The following CELF1 variants were observed in gnomAD, a reference collection of about 807,000 sequenced individuals.
CELF1 encodes CUGBP Elav-like family member 1.
A neutral mutation model predicts 61.8 loss-of-function variants in CELF1; 10 were observed. That is an observed-to-expected ratio of 0.16 (90% CI 0.10 to 0.27). The LOEUF is 0.27. CELF1 is among the 10% of genes least tolerant of loss of function. The pLI is 1.00. For missense variants in CELF1, 380 were observed against 639.1 expected, an observed-to-expected ratio of 0.59 and a Z score of 4.37; for synonymous variants, 236 against 225.1, an observed-to-expected ratio of 1.05 and a Z score of -0.43.
chr11:47,557,346 G>A (rs1250689295), upstream of CELF1, among the ~76,000 whole-genome samples: 1 of 150,028 alleles, frequency 6.7e-6, no homozygotes, highest in Non-Finnish European at 1.5e-5. Flanking sequence ...AGCCTCCCGG[G>A]TAGCTGGGAC....
rs1294134177 is a variant in CELF1 at position 47,471,277 on chromosome 11, G to A, written c.*953C>T. The A allele has an allele frequency of 1.3e-5, 2 of 152,280 alleles. No individual in the cohort carries two copies. The highest frequency in any genetic ancestry group is 2.9e-5 in the Non-Finnish European group (2 of 68,096). 9.4% of individuals were successfully genotyped at this position (152,280 alleles called of 1,614,324 possible). On this transcript the variant is annotated 3_prime_UTR_variant, in exon 15 of 15. Transcript: ENST00000687097. ...AAGCCCTTCTTGGATTTGCCTTCAT[G>A]AGAAAATGGTGGCTTGGGATGGAGG...
At chr11:47,526,045 G>A (rs2096223952) in intron 1 of CELF1, among the ~76,000 whole-genome samples, 1 of 152,096 alleles carries the variant, frequency 6.6e-6, no homozygotes, top group Admixed American at 6.6e-5. Flanking sequence ...AAGGGCACCT[G>A]CGCACCAGGA....
rs182222225 is a variant in CELF1, at chr11:47,487,960, T to G, written c.260-719A>C. Among the ~76,000 whole-genome samples the G allele has an allele frequency of 2.0e-5, 3 of 152,332 alleles. No individual in the cohort carries two copies. In the East Asian group the frequency reaches 5.8e-4, roughly 29 times the overall value. ...ACAATATAGATTTTTTTTTAAATCA[T>G]GCTGCAGCAGTTAGAACTACAAATT... On this transcript the variant is annotated intron_variant, in intron 4 of 14. Coordinates refer to ENST00000687097, the MANE Select transcript of CELF1 (RefSeq NM_001376376.1).
At chr11:47,502,337 T>G (rs1040883562) in intron 1 of CELF1, among the ~76,000 whole-genome samples, 1 of 152,184 alleles carries the variant, frequency 6.6e-6, no homozygotes, top group Admixed American at 6.5e-5. Context: ...TATAATTAAA[T>G]TCAACATACT....
rs1319430075 is a variant in CELF1, at chr11:47,486,818, TTATTATCACTGTATA to T, written c.343-35_343-21del. Reference sequence around the variant, plus strand: ...ATGCATCTGAAAAGGAAAAATATGATTATTATCACTGTATATATTGATGGTATTCAAAAATACATA... The same window carrying T: ...ATGCATCTGAAAAGGAAAAATATGATTATTGATGGTATTCAAAAATACATA... On this transcript the variant is annotated intron_variant, in intron 5 of 14. Transcript: ENST00000687097. The T allele has an allele frequency of 3.2e-6, 5 of 1,563,842 alleles. No individual in the cohort carries two copies. Among genetic ancestry groups the T allele is most frequent in the Non-Finnish European group, 4.4e-6 (5 of 1,134,304 alleles).
chr11:47,553,242 C>A (rs1213642027), upstream of CELF1: 3 of 381,762 alleles, frequency 7.9e-6, no homozygotes, highest in East Asian at 3.7e-5. Context: ...AGCGCCGATG[C>A]GAGCGGAGCG....
intron 1 of CELF1, among the ~76,000 whole-genome samples, chr11:47,552,102 T>C (rs142436368): frequency 6.6e-4 from 101 of 152,178 alleles, no homozygotes; most frequent in Middle Eastern, 3.4e-3. Context: ...CATTTCATGC[T>C]CTTTAAAACT....
intron 7 of CELF1, among the ~76,000 whole-genome samples, chr11:47,483,754 A>G (rs1163137809): frequency 6.6e-6 from 1 of 152,246 alleles, no homozygotes; most frequent in East Asian, 1.9e-4. Context: ...AGGAGGACTC[A>G]TATCCTCTAG....
rs1222338486 is a variant in CELF1, at chr11:47,494,544, C to T, written c.71+4909G>A. The T allele has an allele frequency of 3.2e-6, 3 of 927,914 alleles. No homozygotes were observed. The South Asian group carries it at 1.5e-4, about 46-fold the overall frequency. 57.5% of individuals were successfully genotyped at this position (927,914 alleles called of 1,614,324 possible). A position where few individuals can be genotyped will look rare whatever the true frequency, so the allele number is the denominator to read the frequency against. ...TATGTATTTGTTCAAAATTCTTGAA[C>T]ACTCTCTTCTCTTTCTCCTTTCTTT... is the stretch of plus-strand genomic sequence containing the variant. On this transcript the variant is annotated intron_variant, in intron 3 of 14. Transcript: ENST00000687097.
At chr11:47,477,100 A>G (rs1298578626) in intron 11 of CELF1, 141 bp from the exon 12 acceptor site, 1 of 875,316 alleles carries the variant, frequency 1.1e-6, no homozygotes, top group Admixed American at 2.4e-5. Context: ...CAGGACAGAG[A>G]CAAATAATGG....
At position 47,477,445 on chromosome 11, in the gene CELF1, A is replaced by C. The variant is rs1269196722; in HGVS notation, c.845-20T>G. The C allele has an allele frequency of 6.8e-6, 11 of 1,611,756 alleles. No individual in the cohort carries two copies. The highest frequency in any genetic ancestry group is 2.7e-5 in the African/African-American group (2 of 74,806). ...TCAACCCTACAACATCCAAAGCAAG[A>C]GATTAGCCAGCAGATAAGGGTGCTT... is the stretch of plus-strand genomic sequence containing the variant. On this transcript the variant is annotated intron_variant, in intron 10 of 14. Coordinates refer to ENST00000687097, the MANE Select transcript of CELF1 (RefSeq NM_001376376.1).
At chr11:47,496,383 T>G (rs909464140) in intron 3 of CELF1, among the ~76,000 whole-genome samples, 1 of 152,204 alleles carries the variant, frequency 6.6e-6, no homozygotes, top group South Asian at 2.1e-4. Flanking sequence ...TTAATATCAT[T>G]CATTCAACTG....
chr11:47,542,333 A>G (rs983971662), intron 1 of CELF1, among the ~76,000 whole-genome samples: 1 of 151,994 alleles, frequency 6.6e-6, no homozygotes, highest in Non-Finnish European at 1.5e-5. Context: ...GCACCACTGC[A>G]CTCCACCCTG....
At chr11:47,537,931 TAAAG>T (rs2096671561) in intron 1 of CELF1, among the ~76,000 whole-genome samples, 2 of 151,382 alleles carry the variant, frequency 1.3e-5, no homozygotes. Context: ...TTTTTTTTTT[TAAAG>T]AAAGGTGTTT....
intron 4 of CELF1, among the ~76,000 whole-genome samples, chr11:47,487,991 AG>A (rs1394697495): frequency 6.6e-6 from 1 of 152,194 alleles, no homozygotes; most frequent in Non-Finnish European, 1.5e-5. Flanking sequence ...AAATTACTGA[AG>A]GTTATATTGC....
chr11:47,499,753 C>A (rs1264160490), intron 2 of CELF1, 149 bp from the exon 3 acceptor site: 6 of 529,152 alleles, frequency 1.1e-5, no homozygotes, highest in Admixed American at 3.5e-5. Flanking sequence ...AGGCTCAGCC[C>A]AGCACACAAT....
intron 13 of CELF1, among the ~76,000 whole-genome samples, chr11:47,475,056 A>G (rs965887599): frequency 4.6e-5 from 7 of 152,254 alleles, no homozygotes; most frequent in African/African-American, 1.7e-4. Flanking sequence ...ATTCTTGTCA[A>G]ATGTGTCAGA....
chr11:47,556,847 C>T (rs1426472283), upstream of CELF1, among the ~76,000 whole-genome samples: 1 of 152,222 alleles, frequency 6.6e-6, no homozygotes, highest in African/African-American at 2.4e-5. Flanking sequence ...CGACACTGCA[C>T]TCCAGCCTAG....
At chr11:47,538,708 A>G (rs1038170126) in intron 1 of CELF1, among the ~76,000 whole-genome samples, 4 of 151,912 alleles carry the variant, frequency 2.6e-5, no homozygotes, top group African/African-American at 7.2e-5. Flanking sequence ...CCTGCTCATT[A>G]GTATTACAGG....
Sources: allele counts gnomAD v4.1 joint callset (sites outside exome capture counted in the v4.1 genomes callset), GRCh38; gene constraint gnomAD v4.1.1; transcripts MANE v1.5; gene names NCBI Gene and HGNC (gene_info 2026-07-23, HGNC 2026-07-21).